Variants in CFDP1 observed in about 807,000 individuals in gnomAD.
The protein encoded by CFDP1 is heterochromatin-stabilizing protein CFDP1.
Under a neutral mutation model 40.1 loss-of-function variants are expected in CFDP1, and 31 were observed. That is an observed-to-expected ratio of 0.77 (90% CI 0.58 to 1.04). The LOEUF (loss-of-function observed/expected upper bound fraction) is 1.04. Among genes scored for constraint, CFDP1 ranks in the 50% least tolerant of loss-of-function variants. The pLI is 0.00. For missense variants in CFDP1, 423 were observed against 343.4 expected (o/e 1.23, Z -1.83); for synonymous variants, 167 against 120.0 (o/e 1.39, Z -2.56).
At chr16:75,429,773 G>A (rs1259578157) in intron 1 of CFDP1, among the ~76,000 whole-genome samples, 1 of 152,192 alleles carries the variant, frequency 6.6e-6, no homozygotes, top group Non-Finnish European at 1.5e-5. Flanking sequence ...TAAATATTTT[G>A]GGAGATGATT....
chr16:75,398,258 T>G (rs2079014756), intron 4 of CFDP1, among the ~76,000 whole-genome samples: 1 of 152,224 alleles, frequency 6.6e-6, no homozygotes, highest in African/African-American at 2.4e-5. Flanking sequence ...AATATAAGGT[T>G]GCGTTACTTA....
intron 5 of CFDP1, among the ~76,000 whole-genome samples, chr16:75,325,730 T>C (rs1340258576): frequency 6.6e-6 from 1 of 152,234 alleles, no homozygotes; most frequent in Non-Finnish European, 1.5e-5. Flanking sequence ...TGGGAAACCA[T>C]ATCAATGTCA....
rs558536664 is a variant in CFDP1, at chr16:75,414,715, T to A, written c.65-20A>T. On this transcript the variant is annotated intron_variant, in intron 1 of 6. Transcript: ENST00000283882. ...CTCCACCTGAAATCACATAACAGGG[T>A]GATCAGACAGGAATAAAGGTTTTCA... The A allele has an allele frequency of 1.2e-5, 17 of 1,476,902 alleles. No homozygotes were observed. The highest frequency in any genetic ancestry group is 1.5e-5 in the Non-Finnish European group (16 of 1,057,070). The allele number at this position is 1,476,902 out of a possible 1,614,324, so 91.5% of individuals were successfully genotyped here.
chr16:75,411,911 C>G lies in CFDP1; in HGVS notation c.444G>C (p.Leu148Phe), dbSNP rs895709541. The G allele has an allele frequency of 1.2e-6, 2 of 1,611,030 alleles. No individual in the cohort carries two copies. The highest frequency in any genetic ancestry group is 1.3e-5 in the African/African-American group (1 of 74,820). The change falls in exon 4 of 7, where the codon TTG (leucine) becomes TTC (phenylalanine). Residue 148 changes from leucine (L) to phenylalanine (F), a missense_variant. Transcript: ENST00000283882. ...GTTTCTCTAGCTCTTCTGCTTTTAC[C>G]AACAATTTACTTGAACTTGTCTCTT... Reference protein sequence around the residue: ...ETEETSSSKLLVKAEELEKPK... With the variant: ...ETEETSSSKLFVKAEELEKPK...
At chr16:75,383,354 G>A (rs1350107838) in intron 5 of CFDP1, among the ~76,000 whole-genome samples, 1 of 152,142 alleles carries the variant, frequency 6.6e-6, no homozygotes, top group Non-Finnish European at 1.5e-5. Context: ...AACCCTTCAG[G>A]AAATAGCAGC....
At chr16:75,419,697 C>A (rs114598305) in intron 1 of CFDP1, among the ~76,000 whole-genome samples, 84 of 152,246 alleles carry the variant, frequency 5.5e-4, no homozygotes, top group African/African-American at 2.0e-3. Flanking sequence ...ATAAAACAGT[C>A]TGCCGTAAAG....
At chr16:75,355,374 T>C (rs932041461) in intron 5 of CFDP1, among the ~76,000 whole-genome samples, 1 of 152,262 alleles carries the variant, frequency 6.6e-6, no homozygotes, top group Non-Finnish European at 1.5e-5. Flanking sequence ...AAGTCAATCC[T>C]CTCAAACCCT....
intron 5 of CFDP1, among the ~76,000 whole-genome samples, chr16:75,356,526 CAGAGT>C (rs1350143598): frequency 6.6e-6 from 1 of 152,126 alleles, no homozygotes; most frequent in Non-Finnish European, 1.5e-5. Context: ...TTAAAAAACA[CAGAGT>C]AGATTATAAT....
At chr16:75,430,766 A>G (rs1342555450) in intron 1 of CFDP1, among the ~76,000 whole-genome samples, 1 of 152,126 alleles carries the variant, frequency 6.6e-6, no homozygotes, top group Non-Finnish European at 1.5e-5. Context: ...TCGGCTGAGA[A>G]CACAGTTTTA....
chr16:75,353,981 T>G (rs2078629954), intron 5 of CFDP1, among the ~76,000 whole-genome samples: 2 of 152,124 alleles, frequency 1.3e-5, no homozygotes, highest in Admixed American at 6.6e-5. Context: ...GACTTAGAAT[T>G]TTTTGCCTTT....
intron 1 of CFDP1, among the ~76,000 whole-genome samples, chr16:75,429,609 C>T (rs144544970): frequency 0.016 from 2,363 of 152,296 alleles, 59 homozygotes; most frequent in African/African-American, 0.053. Flanking sequence ...GCCAAGATCA[C>T]GCTACTGCAC....
chr16:75,430,911 C>T (rs1171197192), intron 1 of CFDP1, among the ~76,000 whole-genome samples: 2 of 152,192 alleles, frequency 1.3e-5, no homozygotes, highest in African/African-American at 4.8e-5. Flanking sequence ...CACTTCCCAT[C>T]ATGGCCCAAA....
chr16:75,366,648 A>T (rs1275063526), intron 5 of CFDP1, among the ~76,000 whole-genome samples: 1 of 152,120 alleles, frequency 6.6e-6, no homozygotes, highest in Non-Finnish European at 1.5e-5. Flanking sequence ...CAAACAAAAA[A>T]ACCGTTATAG....
chr16:75,348,163 A>C (rs2078583290), intron 5 of CFDP1, among the ~76,000 whole-genome samples: 4 of 152,174 alleles, frequency 2.6e-5, no homozygotes, highest in Admixed American at 2.6e-4. Flanking sequence ...TATGTTGCCC[A>C]GGCTGGAGTA....
chr16:75,382,796 C>T (rs2078862948), intron 5 of CFDP1, among the ~76,000 whole-genome samples: 1 of 151,852 alleles, frequency 6.6e-6, no homozygotes, highest in African/African-American at 2.4e-5. Flanking sequence ...TCTGGCCAAA[C>T]AAGTCATGTC....
intron 4 of CFDP1, 32 bp from the exon 5 acceptor site, chr16:75,395,241 A>G: frequency 6.2e-7 from 1 of 1,607,762 alleles, no homozygotes; most frequent in Non-Finnish European, 8.5e-7. Flanking sequence ...CAAGCTTACA[A>G]GAAGAATAAA....
At chr16:75,302,532 T>G (rs3784935) in intron 6 of CFDP1, among the ~76,000 whole-genome samples, 79,746 of 152,084 alleles carry the variant, frequency 0.52, 22,084 homozygotes, top group Admixed American at 0.67. Context: ...ATTGCAGGAG[T>G]GAGCCACTGC....
chr16:75,373,475 T>C (rs910964927), intron 5 of CFDP1, among the ~76,000 whole-genome samples: 3 of 152,126 alleles, frequency 2.0e-5, no homozygotes, highest in African/African-American at 7.2e-5. Context: ...AATATAAATG[T>C]CGCTAAGATA....
At chr16:75,332,819 T>C (rs1395416760) in intron 5 of CFDP1, among the ~76,000 whole-genome samples, 10 of 149,872 alleles carry the variant, frequency 6.7e-5, no homozygotes, top group Non-Finnish European at 1.0e-4. Context: ...TTTCCTTTTT[T>C]TTTTTTGAGA....
Sources: gnomAD v4.1 joint callset for allele counts (sites outside exome capture counted in the v4.1 genomes callset) on GRCh38, gnomAD v4.1.1 for gene constraint, MANE v1.5 for transcripts, NCBI Gene and HGNC (gene_info 2026-07-23, HGNC 2026-07-21) for gene names.